UCKL1: variants seen among roughly 807,000 people sequenced by gnomAD.
UCKL1 encodes the protein uridine-cytidine kinase 1 like 1, also known as uridine-cytidine kinase-like 1.
Under a neutral mutation model 59.2 loss-of-function variants are expected in UCKL1, and 65 were observed. That is an observed-to-expected ratio of 1.10 (90% CI 0.90 to 1.35). The LOEUF (loss-of-function observed/expected upper bound fraction) is 1.35. Ranked by LOEUF, UCKL1 falls within the 40% of genes most tolerant of loss-of-function variation. The pLI is 0.00. For missense variants in UCKL1, 703 were observed against 784.3 expected (o/e 0.90, Z 1.24); for synonymous variants, 410 against 323.1 (o/e 1.27, Z -2.88).
At chr20:63,949,440 GGACCCAGCAAACAGAAGCCAC>G (rs1039058315) in intron 1 of UCKL1, among the ~76,000 whole-genome samples, 1 of 152,152 alleles carries the variant, frequency 6.6e-6, no homozygotes, top group Non-Finnish European at 1.5e-5. Context: ...AAGGAAGACG[GGACCCAGCAAACAGAAGCCAC>G]GACCTCCCAG....
rs765835473 is a variant in UCKL1, at chr20:63,940,076, G to T, written c.1568-21C>A. The T allele has an allele frequency of 5.5e-6, 8 of 1,454,456 alleles. No individual in the cohort carries two copies. The East Asian group carries it at 7.1e-5, about 13-fold the overall frequency. The allele number at this position is 1,454,456 out of a possible 1,614,324, so 90.1% of individuals were successfully genotyped here. ...GTTCCCTGGAAAAAGGGGGGGGGGG[G>T]TCCAGTGTGGTGGGGCCTCCCAGGG... On this transcript the variant is annotated intron_variant, in intron 14 of 14. Transcript: ENST00000354216.
chr20:63,942,430 A>C (rs1601015307), intron 8 of UCKL1: 4 of 1,172,358 alleles, frequency 3.4e-6, no homozygotes. Context: ...GGCTACGGGA[A>C]GGCGGGTCAC....
At position 63,945,942 on chromosome 20, in the gene UCKL1, GTGCGGCC is replaced by G. The variant is rs755390592; in HGVS notation, c.438_444del (p.Gln146HisfsTer25). 3 of 1,613,894 alleles carry G rather than the reference GTGCGGCC, an allele frequency of 1.9e-6. No homozygotes were observed. Among genetic ancestry groups the G allele is most frequent in the Non-Finnish European group, 2.5e-6 (3 of 1,179,992 alleles). On this transcript the variant is annotated frameshift_variant, in exon 4 of 15. Coordinates refer to ENST00000354216, the MANE Select transcript of UCKL1 (RefSeq NM_017859.4). LOFTEE classifies it high-confidence loss of function. ...GGGTGGTCGAAGTTGAAGTTGTTGTGTGCGGCCTGTTCCTGCTGCTGCTCAGTCAGCA... is the reference window on the plus strand; with the variant it reads ...GGGTGGTCGAAGTTGAAGTTGTTGTGTGTTCCTGCTGCTGCTCAGTCAGCA...
In UCKL1 at chr20:63,946,506, C is replaced by T. The variant is rs747630209; in HGVS notation, c.251G>A (p.Arg84Gln). ...GCCGTGTTCATTGTACCAGGGCGGCCGCCCGGCGGTGTAGATGGTACGCTT... is the reference window on the plus strand; with the variant it reads ...GCCGTGTTCATTGTACCAGGGCGGCTGCCCGGCGGTGTAGATGGTACGCTT... ...TSKRTIYTAGRPPWYNEHGTQ... is the reference protein window; with the variant it reads ...TSKRTIYTAGQPPWYNEHGTQ... Residue 84 changes from arginine to glutamine, a missense_variant, in exon 2 of 15, where the codon CGG (arginine) becomes CAG (glutamine). By Grantham distance (43) the Arg-to-Gln change is conservative (BLOSUM62 1). Around this residue, in one of 4 missense-constraint regions of UCKL1, gnomAD observed 398 missense variants for 373.0 expected, o/e 1.07. Transcript: ENST00000354216. 3.8e-6 allele frequency: 6 copies of T among 1,592,514 alleles called. No homozygotes were observed. Among genetic ancestry groups the T allele is most frequent in the Admixed American group, 1.7e-5 (1 of 57,444 alleles).
rs1457821080 is a variant in UCKL1 at position 63,956,246 on chromosome 20, A to G, written c.113+14T>C. ...CCCGCTCGCCAGTGGAGTGGAGGCG[A>G]GGCCCACGCCTACCGGTCCTCGCAC... On this transcript the variant is annotated intron_variant, in intron 1 of 14. Transcript: ENST00000354216. 1.1e-5 allele frequency: 16 copies of G among 1,518,404 alleles called. No individual in the cohort carries two copies. The highest frequency in any genetic ancestry group is 1.3e-5 in the Non-Finnish European group (15 of 1,135,496). The allele number at this position is 1,518,404 out of a possible 1,614,324, so 94.1% of individuals were successfully genotyped here.
chr20:63,944,498 C>G, intron 6 of UCKL1, 40 bp from the exon 7 acceptor site: 1 of 1,585,328 alleles, frequency 6.3e-7, no homozygotes, highest in Non-Finnish European at 8.6e-7. Flanking sequence ...GGGGCTGGGC[C>G]GTTGGCCTGC....
chr20:63,945,910 G>T lies in UCKL1; in HGVS notation c.477C>A (p.Ala159=). 1 of 1,613,930 alleles carries T rather than the reference G, an allele frequency of 6.2e-7. No individual in the cohort carries two copies. The highest frequency in any genetic ancestry group is 8.5e-7 in the Non-Finnish European group (1 of 1,180,008). Residue 159 remains alanine (A), a synonymous_variant, in exon 4 of 15, where the codon GCC becomes GCA. Transcript: ENST00000354216. ...HNNFNFDHPD[A]FDFDLIISTL... ...TGGAAATGATGAGGTCGAAGTCAAA[G>T]GCATCTGGGTGGTCGAAGTTGAAGT...
intron 14 of UCKL1, 47 bp from the exon 15 acceptor site, chr20:63,940,102 C>G: frequency 6.2e-7 from 1 of 1,611,236 alleles, no homozygotes; most frequent in Non-Finnish European, 8.5e-7. Flanking sequence ...CCTCCCAGGG[C>G]CACCCACCCT....
Position 63,946,238 on chromosome 20 carries a change from T to C in UCKL1, c.334A>G (p.Thr112Ala), listed in dbSNP as rs1162298951. The C allele has an allele frequency of 1.9e-5, 31 of 1,605,022 alleles. No homozygotes were observed. The highest frequency in any genetic ancestry group is 2.6e-5 in the Non-Finnish European group (31 of 1,176,456). ...TCGATGATCATTCTGGCCACAGTGGTCTTCCCAGAGGCACTGCCGCCTCCC... is the reference window on the plus strand; with the variant it reads ...TCGATGATCATTCTGGCCACAGTGGCCTTCCCAGAGGCACTGCCGCCTCCC... ...GLGGGSASGK[T>A]TVARMIIEAL... is the part of the protein sequence containing the mutation. The change falls in exon 3 of 15, where the codon ACC (threonine) becomes GCC (alanine). Residue 112 changes from threonine to alanine, a missense_variant. Transcript: ENST00000354216.
chr20:63,950,682 C>G, intron 1 of UCKL1: 1 of 1,391,222 alleles, frequency 7.2e-7, no homozygotes, highest in Non-Finnish European at 9.4e-7. Flanking sequence ...AGACATGCAC[C>G]AAACACAGGT....
chr20:63,951,407 T>C (rs911616024), intron 1 of UCKL1, among the ~76,000 whole-genome samples: 3 of 152,156 alleles, frequency 2.0e-5, no homozygotes, highest in Admixed American at 6.5e-5. Flanking sequence ...CCGGCCTGCC[T>C]GGGGCTACAG....
intron 1 of UCKL1, chr20:63,948,278 G>A (rs909180251): frequency 6.6e-6 from 1 of 152,172 alleles, no homozygotes; most frequent in African/African-American, 2.4e-5. Flanking sequence ...GAGCCCCCGG[G>A]GGCAAGAGGG....
intron 1 of UCKL1, chr20:63,954,104 CAG>C (rs2058153599): frequency 6.5e-6 from 1 of 152,702 alleles, no homozygotes; most frequent in Admixed American, 6.5e-5. Flanking sequence ...CGGACTGACT[CAG>C]GGAGAGTCAT....
Position 63,940,429 on chromosome 20 carries a change from G to A in UCKL1, c.1359C>T (p.Asp453=). 3.1e-6 allele frequency: 5 copies of A among 1,612,420 alleles called. No individual in the cohort carries two copies. Among genetic ancestry groups the A allele is most frequent in the South Asian group, 1.1e-5 (1 of 91,082 alleles). Residue 453 remains aspartate, a synonymous_variant, in exon 13 of 15, where the codon GAC becomes GAT. Transcript: ENST00000354216. ...CCGCCGCGCCCGTGGACACGGTGCA[G>A]TCCATGAGGATCACGTGGTCATCGC... ...DISDDHVILM[D]CTVSTGAAAM...
chr20:63,944,542 C>G lies in UCKL1; in HGVS notation c.844+3G>C, dbSNP rs199612627. On this transcript the variant is annotated splice_donor_region_variant and intron_variant, in intron 6 of 14. Transcript: ENST00000354216. ...CACCCAACAGGCAGCCCAGCAGGCT[C>G]ACCTCTGGGGACCACGATGTCTGCC... 5.0e-5 allele frequency: 80 copies of G among 1,607,798 alleles called. No homozygotes were observed. The African/African-American group carries it at 9.3e-4, about 19-fold the overall frequency.
chr20:63,942,414 G>T, intron 8 of UCKL1: 1 of 1,173,560 alleles, frequency 8.5e-7, no homozygotes. Flanking sequence ...GAGCAGCGGG[G>T]CAAGGGGCTA....
chr20:63,942,730 C>T, intron 8 of UCKL1: 1 of 487,096 alleles, frequency 2.1e-6, no homozygotes, highest in Non-Finnish European at 4.3e-6. Flanking sequence ...ACTTCCTTGG[C>T]TGACCAGACG....
At chr20:63,946,791 G>A in intron 1 of UCKL1, 148 bp from the exon 2 acceptor site, 3 of 806,096 alleles carry the variant, frequency 3.7e-6, no homozygotes, top group Non-Finnish European at 5.7e-6. Context: ...TAAGAACTCT[G>A]CCTGGGCTGG....
At chr20:63,942,700 G>C (rs1193304531) in intron 8 of UCKL1, 2 of 497,948 alleles carry the variant, frequency 4.0e-6, no homozygotes, top group Admixed American at 4.1e-5. Flanking sequence ...TGAAGGAAGT[G>C]AGTGCAGCCA....
Sources: allele counts gnomAD v4.1 joint callset (sites outside exome capture counted in the v4.1 genomes callset), GRCh38; gene constraint gnomAD v4.1.1; regional missense constraint gnomAD v4.1.1; transcripts MANE v1.5; gene names NCBI Gene and HGNC (gene_info 2026-07-23, HGNC 2026-07-21).